ADAMTS20: variants seen among roughly 807,000 people sequenced by gnomAD.
ADAMTS20 encodes the protein A disintegrin and metalloproteinase with thrombospondin motifs 20.
In ADAMTS20, 225 loss-of-function variants were observed where a neutral mutation model predicts 260.1. That is an observed-to-expected ratio of 0.87 (90% CI 0.78 to 0.97). The LOEUF is 0.97. Among genes scored for constraint, ADAMTS20 ranks in the 50% least tolerant of loss-of-function variants. The pLI is 0.00. For missense variants in ADAMTS20, 2,400 were observed against 2,337.7 expected, an observed-to-expected ratio of 1.03 and a Z score of -0.55; for synonymous variants, 802 against 769.5, an observed-to-expected ratio of 1.04 and a Z score of -0.70.
chr12:43,525,473 A>T (rs1403037578), intron 3 of ADAMTS20, among the ~76,000 whole-genome samples: 1 of 152,192 alleles, frequency 6.6e-6, no homozygotes, highest in African/African-American at 2.4e-5. Flanking sequence ...CAACGAAAAA[A>T]GTATCTAGGT....
chr12:43,377,670 C>T (rs373078586), intron 31 of ADAMTS20, 108 bp from the exon 32 acceptor site: 14 of 881,858 alleles, frequency 1.6e-5, no homozygotes, highest in African/African-American at 8.5e-5. Flanking sequence ...CACAACAATC[C>T]TATTTAATTA....
intron 29 of ADAMTS20, among the ~76,000 whole-genome samples, chr12:43,389,553 C>T (rs1940553155): frequency 6.6e-6 from 1 of 152,084 alleles, no homozygotes; most frequent in Non-Finnish European, 1.5e-5. Flanking sequence ...CAGCCCATGC[C>T]ACAGTTCTCA....
At chr12:43,462,872 A>G in intron 11 of ADAMTS20, 23 bp downstream of exon 11, 2 of 1,563,510 alleles carry the variant, frequency 1.3e-6, no homozygotes, top group Non-Finnish European at 1.7e-6. Context: ...TTCATACAAG[A>G]CTCACCCTTC....
intron 37 of ADAMTS20, among the ~76,000 whole-genome samples, chr12:43,361,767 T>C (rs190593819): frequency 5.3e-5 from 8 of 152,372 alleles, no homozygotes; most frequent in African/African-American, 1.4e-4. Context: ...AAATTCCATG[T>C]ACATGAAGAA....
intron 26 of ADAMTS20, among the ~76,000 whole-genome samples, 200 bp downstream of exon 26, chr12:43,428,041 T>C (rs1362656838): frequency 6.6e-6 from 1 of 152,186 alleles, no homozygotes; most frequent in Non-Finnish European, 1.5e-5. Context: ...GTAATCATAA[T>C]AACACATTAG....
At chr12:43,490,349 C>G in intron 7 of ADAMTS20, 46 bp downstream of exon 7, 1 of 972,320 alleles carries the variant, frequency 1.0e-6, no homozygotes, top group East Asian at 3.2e-5. Context: ...GTAAATAATT[C>G]AATAAACAAT....
chr12:43,477,300 A>C (rs1363516394), intron 7 of ADAMTS20, among the ~76,000 whole-genome samples: 1 of 150,428 alleles, frequency 6.6e-6, no homozygotes, highest in African/African-American at 2.5e-5. Context: ...ATACTCAGTA[A>C]AAGTTCATAC....
chr12:43,480,144 G>A (rs6582465), intron 7 of ADAMTS20, among the ~76,000 whole-genome samples: 13,471 of 152,096 alleles, frequency 0.089, 791 homozygotes, highest in Admixed American at 0.2. Context: ...TTAACCTTCC[G>A]CAAAGTAAAT....
rs141733253 is a variant in ADAMTS20 at position 43,438,621 on chromosome 12, C to T, written c.2593+1001G>A. Among the ~76,000 whole-genome samples, 20 of 152,244 alleles carry T rather than the reference C, an allele frequency of 1.3e-4. 1 individual carries two copies. In the East Asian group the frequency reaches 3.5e-3, roughly 27 times the overall value. ...GGGCACCACAGTTCCTTTGGCACCT[C>T]GTCAGGTCAGATGGTAGACTGTTCT... On this transcript the variant is annotated intron_variant, in intron 18 of 38. Coordinates refer to ENST00000389420, the MANE Select transcript of ADAMTS20 (RefSeq NM_025003.5).
At chr12:43,460,980 ATATATATATTTTTT>A in intron 11 of ADAMTS20, among the ~76,000 whole-genome samples, 1 of 43,736 alleles carries the variant, frequency 2.3e-5, no homozygotes, top group African/African-American at 7.7e-5. Context: ...ATATATATAT[ATATATATATTTTTT>A]TTTTTTTTTT....
rs542523803 is a variant in ADAMTS20 at position 43,544,117 on chromosome 12, G to C, written c.453+6792C>G. Among the ~76,000 whole-genome samples, 14 of 152,152 alleles carry C rather than the reference G, an allele frequency of 9.2e-5. 1 individual carries two copies. The highest frequency in any genetic ancestry group is 3.4e-4 in the African/African-American group (14 of 41,530). On this transcript the variant is annotated intron_variant, in intron 2 of 38. Transcript: ENST00000389420. ...GCTTAAATATATTTCATAGAAAACAGTAATTACAATAATTGCAACAGAAAT... is the reference window on the plus strand; with the variant it reads ...GCTTAAATATATTTCATAGAAAACACTAATTACAATAATTGCAACAGAAAT...
chr12:43,393,403 C>A (rs1940636853), intron 29 of ADAMTS20, among the ~76,000 whole-genome samples: 1 of 151,790 alleles, frequency 6.6e-6, no homozygotes, highest in African/African-American at 2.4e-5. Context: ...TCATAAATAT[C>A]CTATTTATGA....
intron 3 of ADAMTS20, among the ~76,000 whole-genome samples, chr12:43,518,818 A>G (rs1178156848): frequency 2.5e-5 from 1 of 40,698 alleles, no homozygotes; most frequent in Admixed American, 2.5e-4. Flanking sequence ...CTGGCTCAGG[A>G]AAAAAAAAAA....
chr12:43,381,992 T>C (rs1249568730), intron 31 of ADAMTS20, among the ~76,000 whole-genome samples: 1 of 152,082 alleles, frequency 6.6e-6, no homozygotes, highest in Non-Finnish European at 1.5e-5. Flanking sequence ...TGTTGATGAC[T>C]GATGATGATA....
rs1447379994 is a variant in ADAMTS20, at chr12:43,551,179, G to A, written c.183C>T (p.Phe61=). The part of the protein sequence containing the change: ...FGEVFPQSHH[F]SRQKRSSEAL... ...CCTCGGAGCTGCGTTTCTGCCGGCTGAAGTGGTGGCTCTGAGGGAACACTT... is the reference window on the plus strand; with the variant it reads ...CCTCGGAGCTGCGTTTCTGCCGGCTAAAGTGGTGGCTCTGAGGGAACACTT... The change falls in exon 2 of 39, where the codon TTC becomes TTT. Residue 61 remains phenylalanine (F), a synonymous_variant. Coordinates refer to ENST00000389420, the MANE Select transcript of ADAMTS20 (RefSeq NM_025003.5). This position sits in a 1 kb window ranked among gnomAD's most constrained non-coding sequence, Gnocchi z 4.6. The A allele has an allele frequency of 1.9e-6, 3 of 1,613,846 alleles. No individual in the cohort carries two copies. The highest frequency in any genetic ancestry group is 2.5e-6 in the Non-Finnish European group (3 of 1,179,892).
chr12:43,358,610 G>C (rs1389266464), intron 37 of ADAMTS20, among the ~76,000 whole-genome samples: 1 of 151,752 alleles, frequency 6.6e-6, no homozygotes, highest in Non-Finnish European at 1.5e-5. Context: ...AGGCCGAGAC[G>C]GGCGGATCAC....
At chr12:43,445,766 T>G (rs1222842336) in intron 15 of ADAMTS20, among the ~76,000 whole-genome samples, 3 of 152,002 alleles carry the variant, frequency 2.0e-5, no homozygotes, top group Non-Finnish European at 4.4e-5. Context: ...GTGGAAAGAT[T>G]GCTGGAGCTC....
intron 7 of ADAMTS20, among the ~76,000 whole-genome samples, chr12:43,480,920 T>C (rs1308170152): frequency 6.6e-6 from 1 of 152,080 alleles, no homozygotes; most frequent in Non-Finnish European, 1.5e-5. Context: ...GTGACTATAG[T>C]TATAATAATG....
chr12:43,495,787 A>G (rs1942669957), intron 4 of ADAMTS20, among the ~76,000 whole-genome samples: 1 of 152,238 alleles, frequency 6.6e-6, no homozygotes, highest in Admixed American at 6.5e-5. Context: ...CTTCCCCCAA[A>G]GAAAGTGATA....
Sources: allele counts gnomAD v4.1 joint callset (sites outside exome capture counted in the v4.1 genomes callset), GRCh38; gene constraint gnomAD v4.1.1; non-coding constraint Gnocchi (gnomAD v3.1); transcripts MANE v1.5; gene names NCBI Gene and HGNC (gene_info 2026-07-23, HGNC 2026-07-21).